EXOC4: variants seen among roughly 807,000 people sequenced by gnomAD.
EXOC4 encodes SEC8-like 1.
A neutral mutation model predicts 107.2 loss-of-function variants in EXOC4; 71 were observed. The observed-to-expected ratio is 0.66, with a 90% CI of 0.55 to 0.81. The LOEUF (loss-of-function observed/expected upper bound fraction) is 0.81. Ranked by LOEUF, EXOC4 falls within the 30% of genes least tolerant of loss-of-function variation. EXOC4 has a pLI of 0.00. For synonymous variants in EXOC4, 456 were observed against 441.2 expected (o/e 1.03, Z -0.42); for missense variants, 1,108 against 1,189.6 (o/e 0.93, Z 1.01).
At chr7:133,383,661 G>A (rs1796666068) in intron 7 of EXOC4, among the ~76,000 whole-genome samples, 1 of 152,086 alleles carries the variant, frequency 6.6e-6, no homozygotes. Context: ...TTGAATTCAG[G>A]TCTGAAACTA....
intron 5 of EXOC4, among the ~76,000 whole-genome samples, chr7:133,338,594 C>T (rs537121312): frequency 3.0e-4 from 24 of 78,830 alleles, no homozygotes; most frequent in East Asian, 2.0e-3. Context: ...AGCGAGACTC[C>T]GTCTCAAAAA....
At chr7:133,324,461 G>A (rs1032631350) in intron 5 of EXOC4, among the ~76,000 whole-genome samples, 6 of 152,084 alleles carry the variant, frequency 3.9e-5, no homozygotes, top group South Asian at 2.1e-4. Context: ...CCTTCATTTT[G>A]TTATGTACCC....
chr7:134,054,885 A>G (rs990122762), intron 17 of EXOC4, among the ~76,000 whole-genome samples: 4 of 152,190 alleles, frequency 2.6e-5, no homozygotes, highest in African/African-American at 9.7e-5. Flanking sequence ...GATATTGTTC[A>G]TATTTCCATT....
chr7:133,677,042 T>C (rs896270753), intron 10 of EXOC4, among the ~76,000 whole-genome samples: 1 of 151,642 alleles, frequency 6.6e-6, no homozygotes. Context: ...TGACAGTCAT[T>C]CTTATTTATG....
At chr7:133,512,605 A>G (rs902708796) in intron 9 of EXOC4, among the ~76,000 whole-genome samples, 2 of 152,140 alleles carry the variant, frequency 1.3e-5, no homozygotes, top group South Asian at 2.1e-4. Flanking sequence ...AAGAAGATCA[A>G]TGCGCACAAG....
At chr7:133,269,801 C>T (rs907837501) in intron 1 of EXOC4, among the ~76,000 whole-genome samples, 3 of 152,162 alleles carry the variant, frequency 2.0e-5, no homozygotes. Flanking sequence ...GTTGTATTCA[C>T]TTCTCAGCAC....
chr7:133,838,438 A>G (rs539769864), intron 11 of EXOC4, among the ~76,000 whole-genome samples: 1 of 152,282 alleles, frequency 6.6e-6, no homozygotes, highest in South Asian at 2.1e-4. Context: ...TCATCTTTAT[A>G]AAAATCTTTG....
At chr7:133,927,795 C>G (rs1252119589) in intron 13 of EXOC4, among the ~76,000 whole-genome samples, 1 of 152,144 alleles carries the variant, frequency 6.6e-6, no homozygotes, top group Non-Finnish European at 1.5e-5. Flanking sequence ...CGCTGCCAGG[C>G]AAGTCTGGAT....
At chr7:134,090,054 C>T in the EXOC4 span, among the ~76,000 whole-genome samples, 3 of 152,184 alleles carry the variant, frequency 2.0e-5, no homozygotes, top group Admixed American at 1.3e-4. Context: ...CCAAAGATTA[C>T]TAAAGTCACA....
At position 133,487,943 on chromosome 7, in the gene EXOC4, A is replaced by T. The variant is rs1204215845; in HGVS notation, c.1417+7805A>T. On this transcript the variant is annotated intron_variant, in intron 9 of 17. Coordinates refer to ENST00000253861, the MANE Select transcript of EXOC4 (RefSeq NM_021807.4). ...ATATTTTTGGCTATTCTAATAGTTT[A>T]TATAATACCACTCATTATGAGTTAA... Among the ~76,000 whole-genome samples, 3 of 152,194 alleles carry T rather than the reference A, an allele frequency of 2.0e-5. No individual in the cohort carries two copies. In the East Asian group the frequency reaches 5.8e-4, roughly 29 times the overall value.
At chr7:133,902,886 G>A (rs867284209) in intron 12 of EXOC4, among the ~76,000 whole-genome samples, 1 of 151,892 alleles carries the variant, frequency 6.6e-6, no homozygotes, top group East Asian at 1.9e-4. Flanking sequence ...AAGAATTTTC[G>A]AAGATAGTAA....
chr7:133,823,569 C>T (rs1442446780), intron 11 of EXOC4, among the ~76,000 whole-genome samples: 3 of 151,682 alleles, frequency 2.0e-5, no homozygotes, highest in Non-Finnish European at 4.4e-5. Context: ...AATCCCATCA[C>T]TTTGGGAGGC....
At chr7:133,496,137 G>A (rs1584958736) in intron 9 of EXOC4, among the ~76,000 whole-genome samples, 1 of 152,114 alleles carries the variant, frequency 6.6e-6, no homozygotes, top group Non-Finnish European at 1.5e-5. Flanking sequence ...TTACAGTACA[G>A]CATTTTTTGT....
At chr7:133,828,694 C>T (rs1301048482) in intron 11 of EXOC4, among the ~76,000 whole-genome samples, 1 of 152,138 alleles carries the variant, frequency 6.6e-6, no homozygotes, top group Non-Finnish European at 1.5e-5. Context: ...GCTGGTGAAA[C>T]CTGATACATC....
intron 17 of EXOC4, among the ~76,000 whole-genome samples, chr7:134,061,065 T>C (rs548683262): frequency 6.6e-6 from 1 of 152,276 alleles, no homozygotes; most frequent in African/African-American, 2.4e-5. Flanking sequence ...TGGCATGCCC[T>C]TTATCACTCA....
chr7:133,579,619 C>G (rs771206470), intron 9 of EXOC4, among the ~76,000 whole-genome samples: 4 of 152,026 alleles, frequency 2.6e-5, no homozygotes. Context: ...GAAGCCATAT[C>G]CATTAAACAA....
chr7:133,357,599 G>C (rs76621564), intron 6 of EXOC4, among the ~76,000 whole-genome samples: 2,482 of 152,222 alleles, frequency 0.016, 75 homozygotes, highest in African/African-American at 0.057. Context: ...TAATCTTGTA[G>C]ATACGTTGTT....
At chr7:133,265,866 G>C (rs1264288277) in intron 1 of EXOC4, among the ~76,000 whole-genome samples, 1 of 152,138 alleles carries the variant, frequency 6.6e-6, no homozygotes, top group Non-Finnish European at 1.5e-5. Context: ...CAGTTAATTA[G>C]TTTAGTTATC....
chr7:133,349,194 T>C (rs762110690), intron 5 of EXOC4, among the ~76,000 whole-genome samples: 2 of 152,142 alleles, frequency 1.3e-5, no homozygotes, highest in African/African-American at 4.8e-5. Flanking sequence ...CATTTTGGAA[T>C]GTACAGTCCT....
Sources: allele counts gnomAD v4.1 joint callset (sites outside exome capture counted in the v4.1 genomes callset), GRCh38; gene constraint gnomAD v4.1.1; transcripts MANE v1.5; gene names NCBI Gene and HGNC (gene_info 2026-07-23, HGNC 2026-07-21).